The following CDH9 variants were observed in gnomAD, a reference collection of about 807,000 sequenced individuals.
The protein encoded by CDH9 is cadherin 9, also known as cadherin-9.
CDH9 carries 28 observed loss-of-function variants against 70.9 expected under a neutral mutation model. The observed-to-expected ratio is 0.40, with a 90% confidence interval of 0.29 to 0.54. The LOEUF (loss-of-function observed/expected upper bound fraction) is 0.54. Among genes scored for constraint, CDH9 ranks in the 20% least tolerant of loss-of-function variants. The pLI is 0.59. For missense variants in CDH9, 874 were observed against 984.4 expected, an observed-to-expected ratio of 0.89 and a Z score of 1.50; for synonymous variants, 409 against 343.1, an observed-to-expected ratio of 1.19 and a Z score of -2.12.
At chr5:26,914,061 C>A (rs1429724130) in intron 3 of CDH9, among the ~76,000 whole-genome samples, 2 of 151,882 alleles carry the variant, frequency 1.3e-5, no homozygotes, top group Non-Finnish European at 2.9e-5. Context: ...TGTGTATTCA[C>A]ATTTAAAATA....
intron 1 of CDH9, among the ~76,000 whole-genome samples, chr5:27,000,300 T>G (rs1418367361): frequency 6.6e-6 from 1 of 152,064 alleles, no homozygotes; most frequent in Non-Finnish European, 1.5e-5. Context: ...AATTGCAAAT[T>G]AAAACAAGAT....
chr5:26,914,399 C>G (rs565880133), intron 3 of CDH9, among the ~76,000 whole-genome samples: 6 of 151,928 alleles, frequency 3.9e-5, no homozygotes, highest in Non-Finnish European at 5.9e-5. Flanking sequence ...ACAAACCAAT[C>G]TAGTACTTTC....
intron 2 of CDH9, among the ~76,000 whole-genome samples, chr5:26,952,290 G>A (rs1296234638): frequency 6.7e-6 from 1 of 149,220 alleles, no homozygotes; most frequent in East Asian, 2.1e-4. Flanking sequence ...TTAACTCAAT[G>A]TGGCAGTATT....
At chr5:26,961,256 G>A (rs919133981) in intron 2 of CDH9, among the ~76,000 whole-genome samples, 5 of 151,960 alleles carry the variant, frequency 3.3e-5, no homozygotes, top group Admixed American at 1.3e-4. Flanking sequence ...CATTTTTTGT[G>A]AAGAAAACAC....
chr5:26,959,789 A>G (rs1742003585), intron 2 of CDH9, among the ~76,000 whole-genome samples: 1 of 152,100 alleles, frequency 6.6e-6, no homozygotes, highest in African/African-American at 2.4e-5. Context: ...TATAACATAT[A>G]AAATAAATAC....
intron 2 of CDH9, among the ~76,000 whole-genome samples, chr5:26,970,287 A>G (rs1742196275): frequency 6.6e-6 from 1 of 152,038 alleles, no homozygotes; most frequent in South Asian, 2.1e-4. Context: ...AGTGTAAATT[A>G]TAGTTATTGA....
chr5:27,035,787 T>C (rs1049234506), intron 1 of CDH9, among the ~76,000 whole-genome samples: 2 of 151,764 alleles, frequency 1.3e-5, no homozygotes, highest in South Asian at 4.2e-4. Context: ...GATATCTTTT[T>C]TCTAATATAA....
Position 26,906,135 on chromosome 5 carries a change from A to G in CDH9, c.644-9T>C. On this transcript the variant is annotated splice_polypyrimidine_tract_variant and intron_variant, in intron 4 of 11. Coordinates refer to ENST00000231021, the MANE Select transcript of CDH9 (RefSeq NM_016279.4). The stretch of plus-strand genomic sequence containing the variant: ...TGCAGTTTTTATTATGCCTTTTGGA[A>G]AAAGCAGACAAAAGTTTTGCAATTA... The G allele has an allele frequency of 1.2e-6, 2 of 1,603,202 alleles. No individual in the cohort carries two copies. The highest frequency in any genetic ancestry group is 3.5e-5 in the Admixed American group (2 of 57,786).
At chr5:26,939,148 T>A (rs1741615792) in intron 2 of CDH9, among the ~76,000 whole-genome samples, 1 of 151,828 alleles carries the variant, frequency 6.6e-6, no homozygotes, top group Non-Finnish European at 1.5e-5. Flanking sequence ...ATTCTCCCAA[T>A]ATCACTTTCT....
intron 2 of CDH9, among the ~76,000 whole-genome samples, chr5:26,927,752 G>A (rs988918552): frequency 6.6e-6 from 1 of 152,012 alleles, no homozygotes; most frequent in East Asian, 1.9e-4. Flanking sequence ...TGCCCTTAAA[G>A]AGTTTGCATT....
chr5:26,917,800 A>G (rs1386331412), intron 2 of CDH9, among the ~76,000 whole-genome samples: 1 of 152,030 alleles, frequency 6.6e-6, no homozygotes, highest in Admixed American at 6.6e-5. Flanking sequence ...GCAATTTTTC[A>G]TACTAAAGAG....
At chr5:27,000,621 C>G (rs771566115) in intron 1 of CDH9, among the ~76,000 whole-genome samples, 15 of 152,056 alleles carry the variant, frequency 9.9e-5, no homozygotes, top group Non-Finnish European at 2.1e-4. Context: ...TACATATATA[C>G]TTGATTGAAA....
At chr5:26,913,719 G>A (rs1001856677) in intron 3 of CDH9, among the ~76,000 whole-genome samples, 2 of 151,266 alleles carry the variant, frequency 1.3e-5, no homozygotes, top group African/African-American at 4.9e-5. Flanking sequence ...TATGAGTGAT[G>A]GAACCAGTGA....
chr5:26,890,793 TA>T, intron 7 of CDH9: 1 of 411,846 alleles, frequency 2.4e-6, no homozygotes. Flanking sequence ...CTGTTATTTA[TA>T]CACATGAATC....
At chr5:26,925,597 T>C (rs1741323064) in intron 2 of CDH9, among the ~76,000 whole-genome samples, 1 of 152,180 alleles carries the variant, frequency 6.6e-6, no homozygotes, top group Non-Finnish European at 1.5e-5. Flanking sequence ...CCATTACTTT[T>C]GATGTTTTAG....
At chr5:27,035,081 ATCTG>A (rs1003932608) in intron 1 of CDH9, among the ~76,000 whole-genome samples, 51 of 150,798 alleles carry the variant, frequency 3.4e-4, no homozygotes, top group Admixed American at 1.5e-3. Context: ...TCCTCTATGT[ATCTG>A]TCTATCATCT....
intron 1 of CDH9, among the ~76,000 whole-genome samples, chr5:26,998,078 T>C (rs1742697645): frequency 6.6e-6 from 1 of 152,142 alleles, no homozygotes; most frequent in African/African-American, 2.4e-5. Context: ...GAGCATGAAA[T>C]TGGACTATAA....
In CDH9 at chr5:26,915,942, A is replaced by C; in HGVS notation, c.229-18T>G. 1 of 1,544,978 alleles carries C rather than the reference A, an allele frequency of 6.5e-7. No homozygotes were observed. The highest frequency in any genetic ancestry group is 8.8e-7 in the Non-Finnish European group (1 of 1,136,830). On this transcript the variant is annotated intron_variant, in intron 2 of 11. Transcript: ENST00000231021. ...GTGTGAAGCTTTAGAGAGGTAGAAA[A>C]GAAGAGTTCTGTAAATATATACATT...
intron 1 of CDH9, 108 bp from the exon 2 acceptor site, chr5:26,988,490 C>A: frequency 2.2e-6 from 2 of 902,622 alleles, no homozygotes; most frequent in Non-Finnish European, 3.1e-6. Flanking sequence ...TTATTATGTA[C>A]TATATATACA....
Sources: gnomAD v4.1 joint callset for allele counts (sites outside exome capture counted in the v4.1 genomes callset) on GRCh38, gnomAD v4.1.1 for gene constraint, MANE v1.5 for transcripts, NCBI Gene and HGNC (gene_info 2026-07-23, HGNC 2026-07-21) for gene names.